The following L3MBTL4 variants were observed in gnomAD, a reference collection of about 807,000 sequenced individuals.
The protein encoded by L3MBTL4 is L3MBTL histone methyl-lysine binding protein 4, also known as lethal(3)malignant brain tumor-like protein 4.
In L3MBTL4, 70 loss-of-function variants were observed where a neutral mutation model predicts 84.5. The observed-to-expected ratio is 0.83, with a 90% CI of 0.68 to 1.01. The LOEUF (loss-of-function observed/expected upper bound fraction) is 1.01. Ranked by LOEUF, L3MBTL4 falls within the 50% of genes least tolerant of loss-of-function variation. The probability of loss-of-function intolerance (pLI) is 0.00; values close to 1 mark genes in which losing one functional copy is unlikely to be tolerated. For missense variants in L3MBTL4, 715 were observed against 754.8 expected (o/e 0.95, Z 0.62); for synonymous variants, 274 against 259.8 (o/e 1.05, Z -0.52).
intron 12 of L3MBTL4, among the ~76,000 whole-genome samples, chr18:6,197,203 C>A (rs1421395107): frequency 6.6e-6 from 1 of 152,210 alleles, no homozygotes; most frequent in African/African-American, 2.4e-5. Flanking sequence ...CACCTGCCAA[C>A]CCATCACCTA....
chr18:6,208,507 C>G (rs2045966297), intron 12 of L3MBTL4, among the ~76,000 whole-genome samples: 1 of 152,160 alleles, frequency 6.6e-6, no homozygotes, highest in Non-Finnish European at 1.5e-5. Context: ...ATTTGAAATT[C>G]ATTTATAATT....
Position 6,211,580 on chromosome 18 carries a change from G to C in L3MBTL4, c.981+1569C>G, listed in dbSNP as rs115884478. ...ATATCTTATGAATAATAAGAAAACA[G>C]TCTGTCAACTAAAAATCTAAGTCAG... On this transcript the variant is annotated intron_variant, in intron 12 of 18. Coordinates refer to ENST00000317931, the MANE Select transcript of L3MBTL4 (RefSeq NM_001330559.2). Among the ~76,000 whole-genome samples, 593 of 151,980 alleles carry C rather than the reference G, an allele frequency of 3.9e-3. 2 individuals are homozygous for C. Among genetic ancestry groups the C allele is most frequent in the African/African-American group, 0.013 (553 of 41,446 alleles).
chr18:6,021,627 C>T (rs546885513), intron 16 of L3MBTL4, among the ~76,000 whole-genome samples: 4 of 152,266 alleles, frequency 2.6e-5, no homozygotes, highest in East Asian at 1.9e-4. Context: ...TCAGACTATT[C>T]GTGAGGAGTG....
intron 1 of L3MBTL4, among the ~76,000 whole-genome samples, chr18:6,335,668 T>C (rs1428590237): frequency 2.6e-5 from 4 of 152,184 alleles, no homozygotes; most frequent in African/African-American, 9.6e-5. Context: ...GGGAGGTGAT[T>C]GGATCATGTG....
intron 16 of L3MBTL4, among the ~76,000 whole-genome samples, chr18:5,989,225 C>T (rs996156383): frequency 3.3e-5 from 5 of 152,306 alleles, no homozygotes; most frequent in East Asian, 3.9e-4. Flanking sequence ...TTTTTAAATG[C>T]TTGCAATGAA....
chr18:6,395,401 C>G (rs1024404037), intron 1 of L3MBTL4: 4 of 152,046 alleles, frequency 2.6e-5, no homozygotes, highest in Non-Finnish European at 5.9e-5. Flanking sequence ...GTTCTGGCTT[C>G]TCCTGGCAAA....
chr18:6,377,969 T>C (rs2054438730), intron 1 of L3MBTL4, among the ~76,000 whole-genome samples: 1 of 152,216 alleles, frequency 6.6e-6, no homozygotes, highest in African/African-American at 2.4e-5. Flanking sequence ...CTCCACATCC[T>C]CTCCAGCACC....
At chr18:6,035,936 T>G (rs897561881) in intron 16 of L3MBTL4, among the ~76,000 whole-genome samples, 9 of 152,296 alleles carry the variant, frequency 5.9e-5, no homozygotes, top group Admixed American at 5.2e-4. Context: ...AAGAAATAAC[T>G]AAAACCTCCC....
chr18:6,124,942 A>G (rs1032724789), intron 14 of L3MBTL4, among the ~76,000 whole-genome samples: 1 of 151,958 alleles, frequency 6.6e-6, no homozygotes, highest in African/African-American at 2.4e-5. Context: ...AATTAACACA[A>G]TAGATATACT....
intron 16 of L3MBTL4, among the ~76,000 whole-genome samples, chr18:6,004,238 A>G (rs989113237): frequency 6.6e-6 from 1 of 152,156 alleles, no homozygotes; most frequent in African/African-American, 2.4e-5. Context: ...ATAAGAGAGT[A>G]GTGTGAACGA....
chr18:6,341,392 A>T (rs768694756), intron 1 of L3MBTL4, among the ~76,000 whole-genome samples: 2 of 152,096 alleles, frequency 1.3e-5, no homozygotes. Context: ...TATAAGGGAA[A>T]CAATGCATAT....
chr18:6,351,519 T>C (rs1305541719), intron 1 of L3MBTL4, among the ~76,000 whole-genome samples: 1 of 152,158 alleles, frequency 6.6e-6, no homozygotes, highest in Non-Finnish European at 1.5e-5. Context: ...AATTTTGTAT[T>C]ATGTATATTA....
intron 17 of L3MBTL4, among the ~76,000 whole-genome samples, chr18:5,965,981 TA>T (rs919380144): frequency 6.6e-6 from 1 of 152,196 alleles, no homozygotes; most frequent in Non-Finnish European, 1.5e-5. Flanking sequence ...AGAAAAGCTC[TA>T]AGGCCTCTCC....
At chr18:6,396,591 G>A (rs2055281609) in intron 1 of L3MBTL4, 1 of 152,244 alleles carries the variant, frequency 6.6e-6, no homozygotes, top group Non-Finnish European at 1.5e-5. Flanking sequence ...AACCACCCCT[G>A]TGACTTAGAC....
intron 1 of L3MBTL4, among the ~76,000 whole-genome samples, chr18:6,345,946 A>G (rs1038631811): frequency 6.7e-6 from 1 of 148,912 alleles, no homozygotes; most frequent in Non-Finnish European, 1.5e-5. Flanking sequence ...TAATAATCAT[A>G]AAGTATGGTA....
intron 17 of L3MBTL4, among the ~76,000 whole-genome samples, chr18:5,965,297 G>A (rs1210560682): frequency 6.6e-6 from 1 of 152,234 alleles, no homozygotes; most frequent in Non-Finnish European, 1.5e-5. Context: ...CCCTGCGCTA[G>A]CCTCTCTTCA....
chr18:6,086,548 G>A (rs924684307), intron 15 of L3MBTL4, among the ~76,000 whole-genome samples: 3 of 152,146 alleles, frequency 2.0e-5, no homozygotes, highest in African/African-American at 7.2e-5. Context: ...GGTGGAGACT[G>A]GCAAGAGCTG....
At chr18:6,308,413 A>G (rs1461115619) in intron 3 of L3MBTL4, among the ~76,000 whole-genome samples, 1 of 152,208 alleles carries the variant, frequency 6.6e-6, no homozygotes, top group Non-Finnish European at 1.5e-5. Flanking sequence ...ATCCTTTGGT[A>G]CAATAATTTC....
At chr18:6,161,098 T>C (rs919882252) in intron 13 of L3MBTL4, among the ~76,000 whole-genome samples, 1 of 152,210 alleles carries the variant, frequency 6.6e-6, no homozygotes, top group Non-Finnish European at 1.5e-5. Flanking sequence ...CAAAGCATGA[T>C]AGAAAGATCT....
Sources: allele counts gnomAD v4.1 joint callset (sites outside exome capture counted in the v4.1 genomes callset), GRCh38; gene constraint gnomAD v4.1.1; transcripts MANE v1.5; gene names NCBI Gene and HGNC (gene_info 2026-07-23, HGNC 2026-07-21).